The following IGF2BP3 variants were observed in gnomAD, a reference collection of about 807,000 sequenced individuals.
IGF2BP3 encodes the protein insulin-like growth factor 2 mRNA-binding protein 3.
Under a neutral mutation model 73.8 loss-of-function variants are expected in IGF2BP3, and 9 were observed. The ratio of observed to expected loss-of-function variants is 0.12; its 90% CI spans 0.07 to 0.21. IGF2BP3 has a LOEUF of 0.21. IGF2BP3 is among the 10% of genes least tolerant of loss of function. The pLI is 1.00. For synonymous variants in IGF2BP3, 258 were observed against 256.7 expected, an observed-to-expected ratio of 1.01 and a Z score of -0.05; for missense variants, 542 against 714.0, an observed-to-expected ratio of 0.76 and a Z score of 2.75.
chr7:23,413,360 A>T (rs965003870), intron 3 of IGF2BP3: 1 of 152,158 alleles, frequency 6.6e-6, no homozygotes, highest in Admixed American at 6.6e-5. Context: ...AGGCACCTGT[A>T]ATCCCAGCTA....
At position 23,469,676 on chromosome 7, in the gene IGF2BP3, C is replaced by G. The variant is rs118003225; in HGVS notation, c.175+260G>C. ...CGCGCCTCCCCCAGCCCCGCGCCCCCCTTAGCCAGCGCCGGGGCTTTCTTG... is the reference window on the plus strand; with the variant it reads ...CGCGCCTCCCCCAGCCCCGCGCCCCGCTTAGCCAGCGCCGGGGCTTTCTTG... On this transcript the variant is annotated intron_variant, in intron 1 of 14. Transcript: ENST00000258729. This position sits in a 1 kb window ranked among gnomAD's most constrained non-coding sequence, Gnocchi z 6.1. Among the ~76,000 whole-genome samples, 14,550 of 151,666 alleles carry G rather than the reference C, an allele frequency of 0.096. 777 individuals are homozygous for G. The highest frequency in any genetic ancestry group is 0.14 in the Middle Eastern group (41 of 292).
chr7:23,447,055 T>G (rs1788083087), intron 2 of IGF2BP3, among the ~76,000 whole-genome samples: 1 of 151,636 alleles, frequency 6.6e-6, no homozygotes, highest in African/African-American at 2.4e-5. Flanking sequence ...ATACAAAAAA[T>G]TAGTCAAGTG....
At chr7:23,364,751 T>C (rs1467524219) in intron 3 of IGF2BP3, among the ~76,000 whole-genome samples, 2 of 152,146 alleles carry the variant, frequency 1.3e-5, no homozygotes, top group Non-Finnish European at 2.9e-5. Context: ...CATTAAAATT[T>C]AGCTTTTAAA....
chr7:23,317,516 C>T, intron 12 of IGF2BP3, 123 bp downstream of exon 12: 1 of 729,698 alleles, frequency 1.4e-6, no homozygotes, highest in Non-Finnish European at 2.4e-6. Context: ...TTCTACTCAG[C>T]TCTTAGATAA....
At chr7:23,401,504 C>A (rs982521772) in intron 3 of IGF2BP3, among the ~76,000 whole-genome samples, 7 of 152,192 alleles carry the variant, frequency 4.6e-5, no homozygotes, top group African/African-American at 1.7e-4. Flanking sequence ...GTGGCTCACG[C>A]CTGTAATTTC....
intron 5 of IGF2BP3, among the ~76,000 whole-genome samples, chr7:23,360,124 A>G (rs1386338860): frequency 1.3e-5 from 2 of 151,202 alleles, no homozygotes; most frequent in African/African-American, 4.9e-5. Flanking sequence ...TTGGAGAAAG[A>G]CTCCCCCACA....
intron 2 of IGF2BP3, among the ~76,000 whole-genome samples, chr7:23,449,592 T>C (rs1417251238): frequency 6.9e-6 from 1 of 144,440 alleles, no homozygotes; most frequent in African/African-American, 2.6e-5. Flanking sequence ...AGTCTCACTC[T>C]GTCGCCCTGG....
At chr7:23,460,201 A>AC (rs1554338035) in intron 2 of IGF2BP3, among the ~76,000 whole-genome samples, 1 of 146,910 alleles carries the variant, frequency 6.8e-6, no homozygotes, top group Non-Finnish European at 1.5e-5. Flanking sequence ...AAAAAACAAA[A>AC]ACGAAAGTGA....
In IGF2BP3 at chr7:23,417,136, AG is replaced by A. The variant is rs1418030738; in HGVS notation, c.285+1639del. Among the ~76,000 whole-genome samples, 10 of 152,334 alleles carry A rather than the reference AG, an allele frequency of 6.6e-5. No individual in the cohort carries two copies. In the East Asian group the frequency reaches 7.7e-4, roughly 12 times the overall value. On this transcript the variant is annotated intron_variant, in intron 3 of 14. Transcript: ENST00000258729. The stretch of plus-strand genomic sequence containing the variant: ...GAAATAGTGTTCCCTCAAGCCTTTA[AG>A]GAAAGAAACACCTAACAGCAGCAGC...
chr7:23,421,001 A>G (rs971326878), intron 2 of IGF2BP3, among the ~76,000 whole-genome samples: 1 of 152,076 alleles, frequency 6.6e-6, no homozygotes, highest in Admixed American at 6.6e-5. Flanking sequence ...TGTAAGTTTT[A>G]TATTTTCTTT....
chr7:23,349,077 C>T (rs1017793762), intron 6 of IGF2BP3, among the ~76,000 whole-genome samples: 32 of 152,190 alleles, frequency 2.1e-4, no homozygotes, highest in African/African-American at 7.7e-4. Context: ...CGAATGGTAA[C>T]TTTTTAATTT....
At chr7:23,373,353 G>A (rs1363846720) in intron 3 of IGF2BP3, among the ~76,000 whole-genome samples, 3 of 152,146 alleles carry the variant, frequency 2.0e-5, no homozygotes, top group Admixed American at 6.5e-5. Context: ...AACCACTGTC[G>A]CTTTGGTGGG....
At chr7:23,383,253 G>C (rs1481987381) in intron 3 of IGF2BP3, among the ~76,000 whole-genome samples, 2 of 152,162 alleles carry the variant, frequency 1.3e-5, no homozygotes, top group Non-Finnish European at 2.9e-5. Flanking sequence ...AGGCTAACAA[G>C]CAAGTATGTG....
intron 2 of IGF2BP3, among the ~76,000 whole-genome samples, chr7:23,447,898 T>C (rs1313304159): frequency 2.6e-5 from 4 of 152,152 alleles, no homozygotes; most frequent in African/African-American, 7.2e-5. Context: ...GGAGGATCCC[T>C]TGAGTCCAGG....
At chr7:23,381,446 A>C (rs1171168824) in intron 3 of IGF2BP3, among the ~76,000 whole-genome samples, 2 of 152,232 alleles carry the variant, frequency 1.3e-5, no homozygotes, top group Non-Finnish European at 2.9e-5. Flanking sequence ...TCATACCAGC[A>C]AGCACAGAAA....
At chr7:23,398,989 C>G (rs1052783260) in intron 3 of IGF2BP3, among the ~76,000 whole-genome samples, 1 of 152,184 alleles carries the variant, frequency 6.6e-6, no homozygotes, top group Non-Finnish European at 1.5e-5. Flanking sequence ...TTGCCCATGC[C>G]TATGTCCTGA....
chr7:23,369,209 G>A (rs549152314), intron 3 of IGF2BP3, among the ~76,000 whole-genome samples: 7 of 152,008 alleles, frequency 4.6e-5, no homozygotes, highest in Non-Finnish European at 7.4e-5. Context: ...GATGAACCAC[G>A]CATGCAACCA....
intron 2 of IGF2BP3, among the ~76,000 whole-genome samples, chr7:23,424,343 C>A (rs1461644521): frequency 6.6e-6 from 1 of 151,250 alleles, no homozygotes; most frequent in Non-Finnish European, 1.5e-5. Context: ...ACTAAAAATA[C>A]AAAAATTAGC....
chr7:23,432,129 A>G (rs1787698237), intron 2 of IGF2BP3, among the ~76,000 whole-genome samples: 2 of 152,328 alleles, frequency 1.3e-5, no homozygotes, highest in East Asian at 1.9e-4. Flanking sequence ...AAACAGAGGT[A>G]TATTTTATCT....
Sources: gnomAD v4.1 joint callset for allele counts (sites outside exome capture counted in the v4.1 genomes callset) on GRCh38, gnomAD v4.1.1 for gene constraint, Gnocchi (gnomAD v3.1) non-coding constraint, MANE v1.5 for transcripts, NCBI Gene and HGNC (gene_info 2026-07-23, HGNC 2026-07-21) for gene names.